Variants in LSM11 observed in about 807,000 individuals in gnomAD.
The protein encoded by LSM11 is LSM11, U7 small nuclear RNA associated.
In LSM11, 14 loss-of-function variants were observed where a neutral mutation model predicts 28.1. That is an observed-to-expected ratio of 0.50 (90% CI 0.33 to 0.78). LSM11 has a LOEUF of 0.78. LSM11 is among the 30% of genes least tolerant of loss of function. LSM11 has a pLI of 0.02. For missense variants in LSM11, 495 were observed against 510.6 expected, an observed-to-expected ratio of 0.97 and a Z score of 0.30; for synonymous variants, 207 against 214.2, an observed-to-expected ratio of 0.97 and a Z score of 0.30.
In LSM11 at chr5:157,755,384, A is replaced by C; in HGVS notation, c.*120A>C. ...ATTCCCTCTGGTCCTGCATATGCAG[A>C]GGACGGAGCAGGCTCAGCCCCCTGG... On this transcript the variant is annotated 3_prime_UTR_variant, in exon 4 of 4. Transcript: ENST00000286307. 1 of 1,119,528 alleles carries C rather than the reference A, an allele frequency of 8.9e-7. No homozygotes were observed. The highest frequency in any genetic ancestry group is 2.5e-5 in the East Asian group (1 of 39,290). The allele number at this position is 1,119,528 out of a possible 1,614,324, so 69.3% of individuals were successfully genotyped here.
Position 157,754,053 on chromosome 5 carries a change from C to A in LSM11, c.638C>A (p.Ala213Glu). ...TACCGAAAACCTGTCCTAGGCAAAG[C>A]ATATGAACGGGATTCTTCACTGACT... ...ETYRKPVLGK[A>E]YERDSSLTLT... Residue 213 changes from alanine (A) to glutamate (E), a missense_variant, in exon 3 of 4, where the codon GCA becomes GAA. Transcript: ENST00000286307. 6.4e-7 allele frequency: 1 copy of A among 1,574,324 alleles called. No individual in the cohort carries two copies. Among genetic ancestry groups the A allele is most frequent in the South Asian group, 1.2e-5 (1 of 84,638 alleles).
chr5:157,753,471 C>T (rs6556219), intron 2 of LSM11, among the ~76,000 whole-genome samples: 53,847 of 151,858 alleles, frequency 0.35, 9,696 homozygotes, highest in East Asian at 0.56. Flanking sequence ...AGGTTGCTCT[C>T]GGTGATGAGA....
chr5:157,751,144 C>T (rs1761224519), intron 1 of LSM11, among the ~76,000 whole-genome samples: 1 of 152,102 alleles, frequency 6.6e-6, no homozygotes, highest in African/African-American at 2.4e-5. Context: ...AAGAGATATA[C>T]CGGTAGTGAA....
Position 157,754,107 on chromosome 5 carries a change from C to T in LSM11, c.672+20C>T. The T allele has an allele frequency of 1.3e-6, 2 of 1,490,844 alleles. No homozygotes were observed. Among genetic ancestry groups the T allele is most frequent in the Non-Finnish European group, 1.8e-6 (2 of 1,106,412 alleles). The allele number at this position is 1,490,844 out of a possible 1,614,324, so 92.4% of individuals were successfully genotyped here. On this transcript the variant is annotated intron_variant, in intron 3 of 3. Coordinates refer to ENST00000286307, the MANE Select transcript of LSM11 (RefSeq NM_173491.4). ...ACTAGGGTAGGCAGTTTTCCCCTGA[C>T]CTCCTGAGTAGCCATCATGCTTTCC...
chr5:157,745,488 G>A (rs1029836307), intron 1 of LSM11, among the ~76,000 whole-genome samples: 6 of 152,194 alleles, frequency 3.9e-5, no homozygotes, highest in African/African-American at 1.4e-4. Context: ...CAGTTTGGGG[G>A]ACCTTAATTT....
intron 2 of LSM11, 71 bp from the exon 3 acceptor site, chr5:157,753,933 T>TC: frequency 4.7e-6 from 5 of 1,062,736 alleles, no homozygotes; most frequent in Non-Finnish European, 5.2e-6. Flanking sequence ...TTTTTTTTTT[T>TC]CCCTGAAAAA....
rs1761346270 is a variant in LSM11, at chr5:157,757,586, C to G, written c.*2322C>G. 1 of 152,144 alleles carries G rather than the reference C, an allele frequency of 6.6e-6. No individual in the cohort carries two copies. Among genetic ancestry groups the G allele is most frequent in the African/African-American group, 2.4e-5 (1 of 41,424 alleles). The allele number at this position is 152,144 out of a possible 1,614,324, so 9.4% of individuals were successfully genotyped here. A position where few individuals can be genotyped will look rare whatever the true frequency, so the allele number is the denominator to read the frequency against. On this transcript the variant is annotated 3_prime_UTR_variant, in exon 4 of 4. Transcript: ENST00000286307. ...TTATAGAGGTTCCAGTTTACAAACTCAAGTGAACAGTAATCTTTGGAAGCT... is the reference window on the plus strand; with the variant it reads ...TTATAGAGGTTCCAGTTTACAAACTGAAGTGAACAGTAATCTTTGGAAGCT...
chr5:157,751,142 T>C (rs1216099413), intron 1 of LSM11, among the ~76,000 whole-genome samples: 2 of 152,138 alleles, frequency 1.3e-5, no homozygotes, highest in Non-Finnish European at 2.9e-5. Flanking sequence ...ATAAGAGATA[T>C]ACCGGTAGTG....
intron 1 of LSM11, among the ~76,000 whole-genome samples, chr5:157,748,286 A>G (rs977123218): frequency 6.6e-6 from 1 of 152,090 alleles, no homozygotes; most frequent in Non-Finnish European, 1.5e-5. Flanking sequence ...TGAGCTAATA[A>G]CTTTGTATAT....
At chr5:157,754,491 A>G (rs1165035539) in intron 3 of LSM11, among the ~76,000 whole-genome samples, 2 of 152,080 alleles carry the variant, frequency 1.3e-5, no homozygotes, top group South Asian at 4.1e-4. Flanking sequence ...CAGGAGATCG[A>G]GACCATCCTG....
rs750805888 is a variant in LSM11, at chr5:157,754,902, T to G, written c.721T>G (p.Ser241Ala). 1 of 1,614,136 alleles carries G rather than the reference T, an allele frequency of 6.2e-7. No individual in the cohort carries two copies. Among genetic ancestry groups the G allele is most frequent in the South Asian group, 1.1e-5 (1 of 91,064 alleles). Residue 241 changes from serine (S) to alanine (A), a missense_variant, in exon 4 of 4, where the codon TCT (serine) becomes GCT (alanine). Physicochemically the swap from Ser to Ala is moderately conservative, Grantham distance 99 (BLOSUM62 1). Coordinates refer to ENST00000286307, the MANE Select transcript of LSM11 (RefSeq NM_173491.4). The stretch of plus-strand genomic sequence containing the variant: ...AGATTCCTCCAAGAAGGAAGCAGAT[T>G]CTAAGTCTGCAGTTGAAGATTCCAC... Reference protein sequence around the residue: ...LQDSSKKEADSKSAVEDSTLS... With the variant: ...LQDSSKKEADAKSAVEDSTLS...
chr5:157,755,843 T>C lies in LSM11; in HGVS notation c.*579T>C. The C allele has an allele frequency of 2.5e-6, 1 of 399,846 alleles. No homozygotes were observed. Among genetic ancestry groups the C allele is most frequent in the Non-Finnish European group, 4.4e-6 (1 of 227,296 alleles). 24.8% of individuals were successfully genotyped at this position (399,846 alleles called of 1,614,324 possible). On this transcript the variant is annotated 3_prime_UTR_variant, in exon 4 of 4. Coordinates refer to ENST00000286307, the MANE Select transcript of LSM11 (RefSeq NM_173491.4). ...GTAGGGGTGAAATTTGGATAGGCGG[T>C]ATGCTCAAAGCAGCCAGCAATGAGT...
Position 157,755,085 on chromosome 5 carries a change from A to G in LSM11, c.904A>G (p.Thr302Ala). 1 of 1,614,182 alleles carries G rather than the reference A, an allele frequency of 6.2e-7. No individual in the cohort carries two copies. Among genetic ancestry groups the G allele is most frequent in the South Asian group, 1.1e-5 (1 of 91,088 alleles). ...CAGGTCAGAGCTGTCAGGGAGGACT[A>G]CACGGACAGACGGCTCCAGTGTGGG... ...ESRSELSGRT[T>A]RTDGSSVGGT... is the part of the protein sequence containing the mutation. Residue 302 changes from threonine to alanine, a missense_variant, in exon 4 of 4, where the codon ACA becomes GCA. By Grantham distance (58) the Thr-to-Ala change is moderately conservative. Transcript: ENST00000286307.
intron 1 of LSM11, 95 bp downstream of exon 1, chr5:157,744,293 T>C: frequency 1.0e-6 from 1 of 964,096 alleles, no homozygotes; most frequent in Non-Finnish European, 1.4e-6. Context: ...CGGGCGCGGG[T>C]CTGCACGTAT....
At chr5:157,744,242 G>C in intron 1 of LSM11, 44 bp downstream of exon 1, 8 of 1,234,996 alleles carry the variant, frequency 6.5e-6, no homozygotes, top group Non-Finnish European at 8.1e-6. Flanking sequence ...CCGCCGTCCG[G>C]AAGCTGGCTG....
chr5:157,745,123 A>C (rs760897367), intron 1 of LSM11, among the ~76,000 whole-genome samples: 3 of 152,354 alleles, frequency 2.0e-5, no homozygotes, highest in Non-Finnish European at 2.9e-5. Context: ...GTATAAATGG[A>C]ATAAAAACAG....
intron 3 of LSM11, 143 bp from the exon 4 acceptor site, chr5:157,754,711 A>G: frequency 1.5e-6 from 1 of 670,218 alleles, no homozygotes; most frequent in Admixed American, 3.4e-5. Context: ...AAAAAAAAAA[A>G]AAGATTTATT....
At chr5:157,750,816 C>CTGT (rs1027390337) in intron 1 of LSM11, among the ~76,000 whole-genome samples, 6 of 152,128 alleles carry the variant, frequency 3.9e-5, no homozygotes, top group African/African-American at 1.4e-4. Context: ...GAGTCTTGCT[C>CTGT]TGTTGCCCAG....
At position 157,744,187 on chromosome 5, in the gene LSM11, C is replaced by G. The variant is rs1761110729; in HGVS notation, c.437C>G (p.Thr146Arg). The change falls in exon 1 of 4, where the codon ACG (threonine) becomes AGG (arginine). Residue 146 changes from threonine to arginine, a missense_variant. Thr to Arg is a moderately conservative substitution (Grantham distance 71). Coordinates refer to ENST00000286307, the MANE Select transcript of LSM11 (RefSeq NM_173491.4). ...AGGAAGGCGCCACGCAACGTGCTCA[C>G]GCGAATGCCCTGTGAGTCCGCGGGC... Reference protein sequence around the residue: ...RSRKAPRNVLTRMPLHEGSPL... With the variant: ...RSRKAPRNVLRRMPLHEGSPL... The G allele has an allele frequency of 1.5e-6, 2 of 1,316,538 alleles. No individual in the cohort carries two copies. Among genetic ancestry groups the G allele is most frequent in the Non-Finnish European group, 1.9e-6 (2 of 1,030,088 alleles). 81.6% of individuals were successfully genotyped at this position (1,316,538 alleles called of 1,614,324 possible). A position where few individuals can be genotyped will look rare whatever the true frequency, so the allele number is the denominator to read the frequency against.
Sources: gnomAD v4.1 joint callset for allele counts (sites outside exome capture counted in the v4.1 genomes callset) on GRCh38, gnomAD v4.1.1 for gene constraint, MANE v1.5 for transcripts, NCBI Gene and HGNC (gene_info 2026-07-23, HGNC 2026-07-21) for gene names.